The following ULK4 variants were observed in gnomAD, a reference collection of about 807,000 sequenced individuals.
The protein encoded by ULK4 is inactive serine/threonine-protein kinase ULK4.
Under a neutral mutation model 160.6 loss-of-function variants are expected in ULK4, and 133 were observed. The observed-to-expected ratio is 0.83, with a 90% CI of 0.72 to 0.96. The LOEUF is 0.96. Ranked by LOEUF, ULK4 falls within the 40% of genes least tolerant of loss-of-function variation. The pLI is 0.00. For missense variants in ULK4, 1,580 were observed against 1,499.5 expected, an observed-to-expected ratio of 1.05 and a Z score of -0.89; for synonymous variants, 534 against 539.8, an observed-to-expected ratio of 0.99 and a Z score of 0.15.
chr3:41,750,221 T>C (rs1337077503), intron 22 of ULK4, among the ~76,000 whole-genome samples: 1 of 152,196 alleles, frequency 6.6e-6, no homozygotes, highest in Non-Finnish European at 1.5e-5. Flanking sequence ...CTGGTAATTT[T>C]CAACTTCCAA....
At chr3:41,573,637 G>A (rs778449496) in intron 31 of ULK4, among the ~76,000 whole-genome samples, 17 of 152,116 alleles carry the variant, frequency 1.1e-4, no homozygotes, top group Admixed American at 6.5e-5. Flanking sequence ...GCACACACAC[G>A]TGTTGGGCAC....
chr3:41,914,584 A>C (rs1683078588), intron 8 of ULK4, among the ~76,000 whole-genome samples: 1 of 152,232 alleles, frequency 6.6e-6, no homozygotes, highest in Non-Finnish European at 1.5e-5. Context: ...AGAGATAACT[A>C]ACCAAGTAAA....
At chr3:41,271,814 A>G (rs1166033789) in intron 35 of ULK4, among the ~76,000 whole-genome samples, 1 of 90,166 alleles carries the variant, frequency 1.1e-5, no homozygotes, top group Non-Finnish European at 1.9e-5. Context: ...AAATAAGGCT[A>G]CTATGAACCC....
At chr3:41,436,270 G>C (rs2083036713) in intron 34 of ULK4, among the ~76,000 whole-genome samples, 2 of 152,166 alleles carry the variant, frequency 1.3e-5, no homozygotes, top group Non-Finnish European at 2.9e-5. Flanking sequence ...AGGTTTAGGG[G>C]TATTAAATGC....
intron 27 of ULK4, among the ~76,000 whole-genome samples, chr3:41,693,997 G>C (rs1214490261): frequency 1.3e-5 from 2 of 152,198 alleles, no homozygotes; most frequent in Admixed American, 6.5e-5. Context: ...GATGACAAGA[G>C]GTTGGGAAGG....
intron 16 of ULK4, among the ~76,000 whole-genome samples, chr3:41,892,939 G>T (rs755625775): frequency 1.5e-4 from 23 of 152,210 alleles, no homozygotes; most frequent in Non-Finnish European, 3.1e-4. Context: ...ATTTGAGACT[G>T]ATCTCCCATC....
chr3:41,718,736 C>G (rs561661415), intron 22 of ULK4, among the ~76,000 whole-genome samples: 3 of 152,290 alleles, frequency 2.0e-5, no homozygotes, highest in Admixed American at 2.0e-4. Context: ...GGAAGAACTT[C>G]CAACCAATTT....
At chr3:41,692,306 T>A (rs1007739622) in intron 27 of ULK4, among the ~76,000 whole-genome samples, 1 of 152,034 alleles carries the variant, frequency 6.6e-6, no homozygotes, top group African/African-American at 2.4e-5. Flanking sequence ...TCTGACACAG[T>A]ATATGACAGC....
At chr3:41,427,566 T>A (rs764073722) in intron 34 of ULK4, among the ~76,000 whole-genome samples, 1 of 152,178 alleles carries the variant, frequency 6.6e-6, no homozygotes, top group Non-Finnish European at 1.5e-5. Context: ...AAAAAGCTTA[T>A]CCACTATGAT....
intron 35 of ULK4, among the ~76,000 whole-genome samples, chr3:41,353,788 T>C (rs2080972430): frequency 6.6e-6 from 1 of 151,946 alleles, no homozygotes; most frequent in East Asian, 1.9e-4. Flanking sequence ...ATAACTTTCC[T>C]GGTCTTACTT....
chr3:41,482,886 T>C (rs1464394917), intron 32 of ULK4, among the ~76,000 whole-genome samples: 1 of 152,200 alleles, frequency 6.6e-6, no homozygotes, highest in Non-Finnish European at 1.5e-5. Context: ...TGTGGGTACA[T>C]AATAGGTGTA....
intron 32 of ULK4, among the ~76,000 whole-genome samples, chr3:41,553,292 A>G (rs1416826805): frequency 6.6e-6 from 1 of 152,164 alleles, no homozygotes; most frequent in African/African-American, 2.4e-5. Context: ...ATAGCAAAGA[A>G]AACAATCTAC....
At chr3:41,487,933 T>C (rs780546099) in intron 32 of ULK4, among the ~76,000 whole-genome samples, 1 of 151,966 alleles carries the variant, frequency 6.6e-6, no homozygotes, top group Non-Finnish European at 1.5e-5. Flanking sequence ...AATACCCCAG[T>C]TACCCATGAG....
chr3:41,573,067 C>T (rs921741755), intron 31 of ULK4, among the ~76,000 whole-genome samples: 1 of 152,156 alleles, frequency 6.6e-6, no homozygotes, highest in Non-Finnish European at 1.5e-5. Context: ...ATTTATGTGC[C>T]TAACACCACA....
At chr3:41,328,534 C>G (rs151223899) in intron 35 of ULK4, among the ~76,000 whole-genome samples, 1 of 152,218 alleles carries the variant, frequency 6.6e-6, no homozygotes, top group East Asian at 1.9e-4. Flanking sequence ...CTGATAGTTT[C>G]TAGAGTTGTA....
intron 34 of ULK4, among the ~76,000 whole-genome samples, chr3:41,403,212 A>C (rs569797105): frequency 4.9e-4 from 75 of 152,158 alleles, no homozygotes; most frequent in Non-Finnish European, 8.5e-4. Context: ...TTGTTTGGTA[A>C]AATTTTCCAG....
chr3:41,948,951 A>T (rs1700196326), intron 2 of ULK4, among the ~76,000 whole-genome samples: 1 of 152,120 alleles, frequency 6.6e-6, no homozygotes, highest in South Asian at 2.1e-4. Context: ...AAGGCATCCA[A>T]ATTGGAAAGG....
At chr3:41,298,403 C>T (rs2079714932) in intron 35 of ULK4, among the ~76,000 whole-genome samples, 1 of 152,204 alleles carries the variant, frequency 6.6e-6, no homozygotes, top group Non-Finnish European at 1.5e-5. Flanking sequence ...CCCCCCAAAA[C>T]TTCAACACTG....
chr3:41,671,371 T>C (rs1364273564), intron 29 of ULK4, among the ~76,000 whole-genome samples: 1 of 152,124 alleles, frequency 6.6e-6, no homozygotes, highest in African/African-American at 2.4e-5. Context: ...CAAAACAGCA[T>C]GGTATTGGTA....
Sources: gnomAD v4.1 joint callset for allele counts (sites outside exome capture counted in the v4.1 genomes callset) on GRCh38, gnomAD v4.1.1 for gene constraint, MANE v1.5 for transcripts, NCBI Gene and HGNC (gene_info 2026-07-23, HGNC 2026-07-21) for gene names.